The following CTTNBP2NL variants were observed in gnomAD, a reference collection of about 807,000 sequenced individuals.
The protein encoded by CTTNBP2NL is CTTNBP2 N-terminal like, also known as CTTNBP2 N-terminal-like protein.
In CTTNBP2NL, 16 loss-of-function variants were observed where a neutral mutation model predicts 32.5. That is an observed-to-expected ratio of 0.49 (90% CI 0.33 to 0.75). The LOEUF is 0.75. CTTNBP2NL is among the 30% of genes least tolerant of loss of function. The pLI is 0.02. For missense variants in CTTNBP2NL, 645 were observed against 756.0 expected, an observed-to-expected ratio of 0.85 and a Z score of 1.72; for synonymous variants, 298 against 289.4, an observed-to-expected ratio of 1.03 and a Z score of -0.30.
At chr1:112,428,122 T>C (rs1394443640) in intron 3 of CTTNBP2NL, among the ~76,000 whole-genome samples, 1 of 151,862 alleles carries the variant, frequency 6.6e-6, no homozygotes, top group East Asian at 1.9e-4. Flanking sequence ...TACACACACA[T>C]AAAAGACTCA....
chr1:112,402,331 T>A (rs919055183), intron 1 of CTTNBP2NL, among the ~76,000 whole-genome samples: 6 of 151,928 alleles, frequency 3.9e-5, no homozygotes, highest in African/African-American at 1.2e-4. Context: ...GACAGGAGAA[T>A]CGTTTGAACC....
intron 3 of CTTNBP2NL, among the ~76,000 whole-genome samples, chr1:112,420,124 A>C (rs1347967394): frequency 6.7e-6 from 1 of 149,850 alleles, no homozygotes; most frequent in Non-Finnish European, 1.5e-5. Flanking sequence ...CCACATTTTA[A>C]TATGTTTTTT....
chr1:112,432,438 ACAATGGGATGT>A (rs886190980), intron 3 of CTTNBP2NL, among the ~76,000 whole-genome samples: 1 of 152,150 alleles, frequency 6.6e-6, no homozygotes, highest in Non-Finnish European at 1.5e-5. Context: ...TATAATATGC[ACAATGGGATGT>A]CAAGGAAACT....
intron 3 of CTTNBP2NL, among the ~76,000 whole-genome samples, chr1:112,424,849 ACT>A (rs898925334): frequency 1.6e-4 from 25 of 151,804 alleles, no homozygotes; most frequent in African/African-American, 5.8e-4. Context: ...ACAGGGTCTG[ACT>A]CTGTCACCCA....
intron 1 of CTTNBP2NL, among the ~76,000 whole-genome samples, chr1:112,397,162 G>C (rs11102471): frequency 0.29 from 43,926 of 152,152 alleles, 6,825 homozygotes; most frequent in East Asian, 0.42. Context: ...AGTATATGTT[G>C]CTTGACAGTC....
At chr1:112,429,581 G>T (rs1299447798) in intron 3 of CTTNBP2NL, among the ~76,000 whole-genome samples, 3 of 152,166 alleles carry the variant, frequency 2.0e-5, no homozygotes, top group Non-Finnish European at 4.4e-5. Context: ...TTCTGCTACA[G>T]ATGTCCTTAG....
intron 3 of CTTNBP2NL, among the ~76,000 whole-genome samples, chr1:112,434,908 C>T (rs546990305): frequency 3.3e-5 from 5 of 151,984 alleles, no homozygotes; most frequent in East Asian, 1.9e-4. Flanking sequence ...TTTGGGAGGC[C>T]GAGGCGGGTG....
rs1238263722 is a variant in CTTNBP2NL at position 112,454,615 on chromosome 1, T to G, written c.438+59T>G. ...GCCTGGAACAGCATTTCCCAAAGATTATTCTGCAGGATGCCAACTGGTATT... is the reference window on the plus strand; with the variant it reads ...GCCTGGAACAGCATTTCCCAAAGATGATTCTGCAGGATGCCAACTGGTATT... On this transcript the variant is annotated intron_variant, in intron 5 of 5. Coordinates refer to ENST00000271277, the MANE Select transcript of CTTNBP2NL (RefSeq NM_018704.3). 3.2e-6 allele frequency: 4 copies of G among 1,244,650 alleles called. No homozygotes were observed. The East Asian group carries it at 9.3e-5, about 29-fold the overall frequency. 77.1% of individuals were successfully genotyped at this position (1,244,650 alleles called of 1,614,324 possible).
intron 1 of CTTNBP2NL, among the ~76,000 whole-genome samples, chr1:112,404,605 T>G (rs551241104): frequency 6.6e-6 from 1 of 152,214 alleles, no homozygotes; most frequent in African/African-American, 2.4e-5. Context: ...TGTTCCCTTG[T>G]GGTATTTTAC....
At chr1:112,437,558 C>G (rs1050102787) in intron 3 of CTTNBP2NL, among the ~76,000 whole-genome samples, 10 of 152,136 alleles carry the variant, frequency 6.6e-5, no homozygotes, top group Admixed American at 3.3e-4. Flanking sequence ...GAGTCTCACT[C>G]TGTCACCCAG....
chr1:112,393,138 G>T (rs1648224452), upstream of CTTNBP2NL, among the ~76,000 whole-genome samples: 2 of 152,162 alleles, frequency 1.3e-5, no homozygotes, highest in African/African-American at 4.8e-5. Flanking sequence ...GATTACAGGA[G>T]TGAGCCACTG....
At chr1:112,391,491 A>G (rs1648180655), upstream of CTTNBP2NL, among the ~76,000 whole-genome samples, 1 of 152,192 alleles carries the variant, frequency 6.6e-6, no homozygotes, top group Non-Finnish European at 1.5e-5. Flanking sequence ...CTCAGAGAAG[A>G]GGATTGAGCA....
intron 2 of CTTNBP2NL, among the ~76,000 whole-genome samples, chr1:112,413,330 G>C (rs902041734): frequency 2.0e-5 from 3 of 152,218 alleles, no homozygotes; most frequent in African/African-American, 7.2e-5. Flanking sequence ...CGAGGTCATC[G>C]ATCTTGGCTG....
intron 3 of CTTNBP2NL, among the ~76,000 whole-genome samples, chr1:112,443,323 C>T (rs967350779): frequency 3.3e-5 from 5 of 152,316 alleles, no homozygotes; most frequent in African/African-American, 9.6e-5. Flanking sequence ...AAGTGATTCT[C>T]GTGCCTCAGC....
At chr1:112,446,686 G>C (rs1162179034) in intron 3 of CTTNBP2NL, among the ~76,000 whole-genome samples, 1 of 152,116 alleles carries the variant, frequency 6.6e-6, no homozygotes, top group Non-Finnish European at 1.5e-5. Flanking sequence ...AAGTAGCTGG[G>C]GCTACAGGCA....
rs754361736 is a variant in CTTNBP2NL at position 112,456,550 on chromosome 1, A to G, written c.1058A>G (p.Asp353Gly). ...YSYAKTNGHC[D>G]PEIQTTRELT... ...TATGCAAAAACCAATGGCCATTGTG[A>G]CCCAGAGATACAAACTACCAGGGAG... is the stretch of plus-strand genomic sequence containing the variant. The change falls in exon 6 of 6, where the codon GAC becomes GGC. Residue 353 changes from aspartate (D) to glycine (G), a missense_variant. Coordinates refer to ENST00000271277, the MANE Select transcript of CTTNBP2NL (RefSeq NM_018704.3). 6.2e-7 allele frequency: 1 copy of G among 1,614,184 alleles called. No individual in the cohort carries two copies. The highest frequency in any genetic ancestry group is 2.2e-5 in the East Asian group (1 of 44,872).
rs1650520416 is a variant in CTTNBP2NL, at chr1:112,460,537, T to C, written c.*3125T>C. 6.6e-6 allele frequency: 1 copy of C among 152,186 alleles called. No individual in the cohort carries two copies. Among genetic ancestry groups the C allele is most frequent in the Non-Finnish European group, 1.5e-5 (1 of 68,014 alleles). The allele number at this position is 152,186 out of a possible 1,614,324, so 9.4% of individuals were successfully genotyped here. On this transcript the variant is annotated 3_prime_UTR_variant, in exon 6 of 6. Coordinates refer to ENST00000271277, the MANE Select transcript of CTTNBP2NL (RefSeq NM_018704.3). ...GAGTTTATCCCTAGAAAAATGAATA[T>C]GCCTATATGCAAAATTTGTTTGATG...
Position 112,456,677 on chromosome 1 carries a change from G to T in CTTNBP2NL, c.1185G>T (p.Gly395=), listed in dbSNP as rs779858864. The T allele has an allele frequency of 5.0e-6, 8 of 1,614,108 alleles. No individual in the cohort carries two copies. In the South Asian group the frequency reaches 6.6e-5, roughly 13 times the overall value. The change falls in exon 6 of 6, where the codon GGG becomes GGT. Residue 395 remains glycine (G), a synonymous_variant. Coordinates refer to ENST00000271277, the MANE Select transcript of CTTNBP2NL (RefSeq NM_018704.3). ...TGGAGAATGGTGGGTGTCCTGTGGG[G>T]ATTGAGACTCCAGTCCCAATGCCCA... is the stretch of plus-strand genomic sequence containing the variant. The part of the protein sequence containing the change: ...KPVENGGCPV[G]IETPVPMPSP...
chr1:112,455,982 C>G lies in CTTNBP2NL; in HGVS notation c.490C>G (p.Leu164Val), dbSNP rs769456283. The G allele has an allele frequency of 2.5e-6, 4 of 1,606,342 alleles. No homozygotes were observed. The East Asian group carries it at 6.7e-5, about 27-fold the overall frequency. Residue 164 changes from leucine to valine, a missense_variant, in exon 6 of 6, where the codon CTC becomes GTC. By Grantham distance (32) the Leu-to-Val change is conservative. Transcript: ENST00000271277. ...AAAGTTTGAAAAAGAACAGAAGAAG[C>G]TCTCTAGTCAGCTGGAAGAGGAGCG... is the stretch of plus-strand genomic sequence containing the variant. ...VKKFEKEQKK[L>V]SSQLEEERSR... is the part of the protein sequence containing the mutation.
Sources: allele counts gnomAD v4.1 joint callset (sites outside exome capture counted in the v4.1 genomes callset), GRCh38; gene constraint gnomAD v4.1.1; transcripts MANE v1.5; gene names NCBI Gene and HGNC (gene_info 2026-07-23, HGNC 2026-07-21).